Variants in OAS1 observed in about 807,000 individuals in gnomAD.
OAS1 encodes the protein 2'-5'-oligoadenylate synthetase 1, also known as 2'-5'-oligoadenylate synthase 1.
OAS1 carries 24 observed loss-of-function variants against 38.5 expected under a neutral mutation model. That is an observed-to-expected ratio of 0.62 (90% confidence interval 0.45 to 0.88). The LOEUF is 0.88. Among genes scored for constraint, OAS1 ranks in the 40% least tolerant of loss-of-function variants. OAS1 has a pLI of 0.00. For synonymous variants in OAS1, 169 were observed against 193.9 expected (o/e 0.87, Z 1.07); for missense variants, 482 against 493.9 (o/e 0.98, Z 0.23).
Position 112,916,591 on chromosome 12 carries a change from A to G in OAS1, c.737A>G (p.Lys246Arg). 6.2e-7 allele frequency: 1 copy of G among 1,614,200 alleles called. No individual in the cohort carries two copies. The highest frequency in any genetic ancestry group is 1.1e-5 in the South Asian group (1 of 91,082). ...TVYAWERGSMKTHFNTAQGFR... is the reference protein window; with the variant it reads ...TVYAWERGSMRTHFNTAQGFR... ...TATGCTTGGGAGCGAGGGAGCATGA[A>G]AACACATTTCAACACAGCCCAGGGA... The change falls in exon 4 of 6, where the codon AAA becomes AGA. Residue 246 changes from lysine (K) to arginine (R), a missense_variant. Lys to Arg is a conservative substitution (Grantham distance 26). Coordinates refer to ENST00000202917, the MANE Select transcript of OAS1 (RefSeq NM_016816.4).
rs1432744061 is a variant in OAS1, at chr12:112,919,529, G to C, written c.1179G>C (p.Glu393Asp). ...LQAASTPQAE[E>D]DWTCTIL ...CAGCATCCACCCCACAGGCAGAAGAGGACTGGACCTGCACCATCCTCTGAA... is the reference window on the plus strand; with the variant it reads ...CAGCATCCACCCCACAGGCAGAAGACGACTGGACCTGCACCATCCTCTGAA... The change falls in exon 6 of 6, where the codon GAG becomes GAC. Residue 393 changes from glutamate (E) to aspartate (D), a missense_variant. Coordinates refer to ENST00000202917, the MANE Select transcript of OAS1 (RefSeq NM_016816.4). 2 of 1,614,112 alleles carry C rather than the reference G, an allele frequency of 1.2e-6. No individual in the cohort carries two copies. The highest frequency in any genetic ancestry group is 1.7e-6 in the Non-Finnish European group (2 of 1,180,052).
downstream of OAS1, chr12:112,932,158 CCTT>C (rs1316728826): frequency 1.3e-5 from 6 of 463,522 alleles, 1 homozygote; most frequent in South Asian, 3.8e-5. Flanking sequence ...CTCCCTGTCT[CCTT>C]CTCTCTCTCT....
chr12:112,909,098 T>G (rs891934983), intron 2 of OAS1: 7 of 420,406 alleles, frequency 1.7e-5, no homozygotes, highest in Non-Finnish European at 2.5e-5. Context: ...GAATTTTATC[T>G]TTCTAAAATC....
chr12:112,909,544 G>T (rs550609675), intron 2 of OAS1, among the ~76,000 whole-genome samples: 3 of 152,128 alleles, frequency 2.0e-5, no homozygotes, highest in African/African-American at 4.8e-5. Flanking sequence ...GCCTGTGGTC[G>T]CAGTTATTCA....
In OAS1 at chr12:112,919,130, C is replaced by T. The variant is rs112992036; in HGVS notation, c.1039-259C>T. ...AGGTGGCCAGGCTTCTATACCCCTA[C>T]GTGGATCACTCACTGTGCTTGGGCA... On this transcript the variant is annotated intron_variant, in intron 5 of 5. Transcript: ENST00000202917. 450 of 445,388 alleles carry T rather than the reference C, an allele frequency of 1.0e-3. 2 individuals are homozygous for T. The highest frequency in any genetic ancestry group is 8.3e-3 in the African/African-American group (415 of 50,254). 27.6% of individuals were successfully genotyped at this position (445,388 alleles called of 1,614,324 possible).
At chr12:112,930,238 C>T (rs1348693378) in intron 6 of OAS1, among the ~76,000 whole-genome samples, 3 of 152,132 alleles carry the variant, frequency 2.0e-5, no homozygotes, top group Non-Finnish European at 4.4e-5. Context: ...GCCAAGCAGA[C>T]GTCAGTACCA....
intron 3 of OAS1, among the ~76,000 whole-genome samples, chr12:112,914,259 A>G (rs971853635): frequency 1.1e-4 from 17 of 152,106 alleles, no homozygotes; most frequent in Non-Finnish European, 2.4e-4. Context: ...TGTGAATGCC[A>G]TTATTTTGTT....
At position 112,919,786 on chromosome 12, in the gene OAS1, G is replaced by A; in HGVS notation, c.*233G>A. ...TATTCTCTGAAAATATTCCCTGAGA[G>A]AGAACAGAGAGATTTAGATAAGAGA... On this transcript the variant is annotated 3_prime_UTR_variant, in exon 6 of 6. Transcript: ENST00000202917. The A allele has an allele frequency of 7.1e-7, 1 of 1,416,112 alleles. No individual in the cohort carries two copies. The highest frequency in any genetic ancestry group is 9.3e-7 in the Non-Finnish European group (1 of 1,070,790). The allele number at this position is 1,416,112 out of a possible 1,614,324, so 87.7% of individuals were successfully genotyped here. A position where few individuals can be genotyped will look rare whatever the true frequency, so the allele number is the denominator to read the frequency against.
chr12:112,911,318 T>G (rs1196559468), intron 3 of OAS1, 83 bp downstream of exon 3: 531 of 938,710 alleles, frequency 5.7e-4, no homozygotes, highest in Middle Eastern at 2.4e-3. Context: ...AAGAAGGGAG[T>G]GAAGGGAAGA....
chr12:112,929,959 A>T (rs991085174), intron 6 of OAS1, among the ~76,000 whole-genome samples: 6 of 152,116 alleles, frequency 3.9e-5, no homozygotes, highest in African/African-American at 1.2e-4. Flanking sequence ...TCTCCACCCA[A>T]ATCTCATGTT....
intron 6 of OAS1, among the ~76,000 whole-genome samples, chr12:112,927,523 A>G (rs991795850): frequency 6.6e-5 from 10 of 152,180 alleles, no homozygotes; most frequent in African/African-American, 2.4e-4. Flanking sequence ...TCTATTCACC[A>G]TCTTTGTTCT....
downstream of OAS1, among the ~76,000 whole-genome samples, chr12:112,921,674 C>T (rs1298053691): frequency 6.6e-6 from 1 of 152,184 alleles, no homozygotes; most frequent in Admixed American, 6.5e-5. Context: ...ATGGGGTCTG[C>T]CAGGCTGGTG....
chr12:112,928,893 C>T (rs750849624), intron 6 of OAS1, among the ~76,000 whole-genome samples: 12 of 152,180 alleles, frequency 7.9e-5, no homozygotes, highest in Admixed American at 2.6e-4. Context: ...CTAGAAGTGG[C>T]GCTTTCTCTT....
downstream of OAS1, chr12:112,933,206 T>G (rs1347904834): frequency 6.6e-6 from 1 of 152,214 alleles, no homozygotes; most frequent in Non-Finnish European, 1.5e-5. Flanking sequence ...AAATAAAATC[T>G]TTTTTGAAAA....
rs34137742 is a variant in OAS1, at chr12:112,910,856, C to T, written c.470-195C>T. Among the ~76,000 whole-genome samples, 19,752 of 151,952 alleles carry T rather than the reference C, an allele frequency of 0.13. 1,526 individuals are homozygous for T. The highest frequency in any genetic ancestry group is 0.21 in the Admixed American group (3,264 of 15,252). On this transcript the variant is annotated intron_variant, in intron 2 of 5. Transcript: ENST00000202917. ...TTGCTGCCATAGTTCCGGCGAGTGA[C>T]GGTGGTGGCTTGGATGGGGTGATGG...
intron 2 of OAS1, 76 bp downstream of exon 2, chr12:112,908,900 C>G: frequency 1.4e-6 from 2 of 1,479,218 alleles, no homozygotes; most frequent in South Asian, 2.7e-5. Flanking sequence ...GAGCTTTTTG[C>G]CCCAACAGGG....
In OAS1 at chr12:112,917,536, CT is replaced by C; in HGVS notation, c.885-10del. 6.2e-7 allele frequency: 1 copy of C among 1,613,980 alleles called. No individual in the cohort carries two copies. On this transcript the variant is annotated splice_polypyrimidine_tract_variant and intron_variant, in intron 4 of 5. Transcript: ENST00000202917. ...CTTCTCACCTGTCCCTCTCTAAATG[CT>C]GCTCTGCAGGCCTGTGATCCTGGAC... is the stretch of plus-strand genomic sequence containing the variant.
downstream of OAS1, among the ~76,000 whole-genome samples, chr12:112,923,056 T>A (rs920628068): frequency 6.6e-6 from 1 of 152,248 alleles, no homozygotes; most frequent in African/African-American, 2.4e-5. Flanking sequence ...GTATGTGCAC[T>A]GTATACATTA....
At chr12:112,928,808 G>A (rs920781783) in intron 6 of OAS1, among the ~76,000 whole-genome samples, 1 of 152,234 alleles carries the variant, frequency 6.6e-6, no homozygotes, top group Non-Finnish European at 1.5e-5. Context: ...AACATCCCAT[G>A]GCAAAGCATG....
Sources: allele counts gnomAD v4.1 joint callset (sites outside exome capture counted in the v4.1 genomes callset), GRCh38; gene constraint gnomAD v4.1.1; transcripts MANE v1.5; gene names NCBI Gene and HGNC (gene_info 2026-07-23, HGNC 2026-07-21).